PRDM2: variants seen among roughly 807,000 people sequenced by gnomAD.
PRDM2 encodes PR domain zinc finger protein 2.
Under a neutral mutation model 130.0 loss-of-function variants are expected in PRDM2, and 30 were observed. The observed-to-expected ratio is 0.23, with a 90% CI of 0.17 to 0.31. The LOEUF (loss-of-function observed/expected upper bound fraction) is 0.31. Among genes scored for constraint, PRDM2 ranks in the 10% least tolerant of loss-of-function variants. The pLI, the probability that PRDM2 is intolerant of heterozygous loss-of-function variation, is 1.00. For missense variants in PRDM2, 2,011 were observed against 2,108.4 expected, an observed-to-expected ratio of 0.95 and a Z score of 0.90; for synonymous variants, 871 against 782.4, an observed-to-expected ratio of 1.11 and a Z score of -1.89.
chr1:13,770,067 G>A (rs1472729888), intron 6 of PRDM2, among the ~76,000 whole-genome samples: 3 of 152,126 alleles, frequency 2.0e-5, no homozygotes, highest in African/African-American at 7.2e-5. Context: ...AGGCGCCTTG[G>A]TACCCTGTAG....
intron 9 of PRDM2, among the ~76,000 whole-genome samples, chr1:13,822,807 G>A (rs1308826331): frequency 2.6e-5 from 4 of 152,144 alleles, no homozygotes; most frequent in Non-Finnish European, 5.9e-5. Flanking sequence ...AGACGCAGGA[G>A]GAGATTACTG....
At chr1:13,774,112 T>A (rs1644418603) in intron 7 of PRDM2, among the ~76,000 whole-genome samples, 1 of 152,226 alleles carries the variant, frequency 6.6e-6, no homozygotes, top group Non-Finnish European at 1.5e-5. Context: ...GTCCCTCTGG[T>A]GATAATATTC....
chr1:13,816,447 C>G lies in PRDM2; in HGVS notation c.5057C>G (p.Ser1686Cys), dbSNP rs1645258966. Residue 1686 changes from serine (S) to cysteine (C), a missense_variant, in exon 9 of 10, where the codon TCC becomes TGC. This residue lies in a region of PRDM2 where 410 missense variants were observed against 395.9 expected (regional missense o/e 1.04). Coordinates refer to ENST00000311066, the MANE Select transcript of PRDM2 (RefSeq NM_001393986.1). ...CACAGCTACAGCCTCCGCTTGGCGT[C>G]CCGATGCTCTCCACCAGCGGCCCCG... ...KDFSYSLRLASRCSPPAAPYI... is the reference protein window; with the variant it reads ...KDFSYSLRLACRCSPPAAPYI... The G allele has an allele frequency of 1.2e-6, 2 of 1,614,078 alleles. No homozygotes were observed. The highest frequency in any genetic ancestry group is 1.7e-6 in the Non-Finnish European group (2 of 1,180,048).
chr1:13,824,086 G>A lies in PRDM2; in HGVS notation c.*951G>A, dbSNP rs926687519. 6.6e-6 allele frequency: 1 copy of A among 152,670 alleles called. No homozygotes were observed. The highest frequency in any genetic ancestry group is 1.5e-5 in the Non-Finnish European group (1 of 68,048). 9.5% of individuals were successfully genotyped at this position (152,670 alleles called of 1,614,324 possible). ...GAGATTTCGGAGGCCATCCTGCCAG[G>A]GGCGGACGGGGCTGACTCCTGCTCT... is the stretch of plus-strand genomic sequence containing the variant. On this transcript the variant is annotated 3_prime_UTR_variant, in exon 10 of 10. Transcript: ENST00000311066.
chr1:13,707,390 T>C (rs1205265945), intron 1 of PRDM2, among the ~76,000 whole-genome samples: 1 of 152,198 alleles, frequency 6.6e-6, no homozygotes, highest in Non-Finnish European at 1.5e-5. Flanking sequence ...TACACAGGGG[T>C]CAACTGAGGA....
intron 4 of PRDM2, among the ~76,000 whole-genome samples, chr1:13,738,516 TAGTC>T (rs1231985707): frequency 6.6e-6 from 1 of 152,244 alleles, no homozygotes; most frequent in Non-Finnish European, 1.5e-5. Flanking sequence ...AAAATCTAGT[TAGTC>T]TAATTTTAAG....
In PRDM2 at chr1:13,785,999, C is replaced by T. The variant is rs112994435; in HGVS notation, c.5036+3168C>T. On this transcript the variant is annotated intron_variant, in intron 8 of 9. Coordinates refer to ENST00000311066, the MANE Select transcript of PRDM2 (RefSeq NM_001393986.1). ...GACTACAGGTGCCCGCCACCATGCC[C>T]GGCTAATTTTTTGTATTTTTAGTAG... Among the ~76,000 whole-genome samples, 674 of 151,724 alleles carry T rather than the reference C, an allele frequency of 4.4e-3. 1 individual carries two copies. Among genetic ancestry groups the T allele is most frequent in the Non-Finnish European group, 7.3e-3 (497 of 67,896 alleles).
intron 8 of PRDM2, chr1:13,786,727 A>G: frequency 3.5e-6 from 5 of 1,422,950 alleles, no homozygotes; most frequent in South Asian, 1.5e-5. Context: ...CCCAACGCGC[A>G]TGCTGGGCGC....
At position 13,779,677 on chromosome 1, in the gene PRDM2, C is replaced by A. The variant is rs201874632; in HGVS notation, c.1882C>A (p.Pro628Thr). Residue 628 changes from proline to threonine, a missense_variant, in exon 8 of 10, where the codon CCT becomes ACT. Pro to Thr is a conservative substitution (Grantham distance 38, BLOSUM62 -1). Coordinates refer to ENST00000311066, the MANE Select transcript of PRDM2 (RefSeq NM_001393986.1). This position sits in a 1 kb window ranked among gnomAD's most constrained non-coding sequence, Gnocchi z 4.9. Reference protein sequence around the residue: ...VPVTEDLPKEPLGSTNSEAKK... With the variant: ...VPVTEDLPKETLGSTNSEAKK... ...TGTAACAGAAGATCTTCCTAAAGAG[C>A]CTTTGGGCAGCACAAATAGTGAGGC... 8.1e-6 allele frequency: 13 copies of A among 1,613,908 alleles called. No homozygotes were observed. Among genetic ancestry groups the A allele is most frequent in the Non-Finnish European group, 1.0e-5 (12 of 1,180,002 alleles).
rs1364368410 is a variant in PRDM2 at position 13,818,419 on chromosome 1, G to A, written c.*23+1849G>A. On this transcript the variant is annotated intron_variant, in intron 9 of 9. Coordinates refer to ENST00000311066, the MANE Select transcript of PRDM2 (RefSeq NM_001393986.1). ...TTTTGAGACAGAGTCTCGCTCTGTC[G>A]CCAGGCTGGAGTGCAGTGGCGCGAT... 5.9e-5 allele frequency among the ~76,000 whole-genome samples: 8 copies of A among 136,614 alleles called. No homozygotes were observed. The South Asian group carries it at 1.4e-3, about 23-fold the overall frequency. 89.6% of individuals were successfully genotyped at this position (136,614 alleles called of 152,430 possible).
At chr1:13,738,508 A>G (rs1342798757) in intron 4 of PRDM2, among the ~76,000 whole-genome samples, 1 of 152,176 alleles carries the variant, frequency 6.6e-6, no homozygotes, top group Non-Finnish European at 1.5e-5. Flanking sequence ...TGTAGTATAA[A>G]ATCTAGTTAG....
chr1:13,784,204 G>A (rs1031797812), intron 8 of PRDM2, among the ~76,000 whole-genome samples: 20 of 152,212 alleles, frequency 1.3e-4, no homozygotes, highest in African/African-American at 4.6e-4. Flanking sequence ...TAGCTCTGCT[G>A]AAAATAAGCA....
rs920439054 is a variant in PRDM2, at chr1:13,727,444, G to A, written c.10-3556G>A. On this transcript the variant is annotated intron_variant, in intron 2 of 9. Transcript: ENST00000311066. ...TAATTTTTGTATTTTAAGTAGAGAC[G>A]GGGTTTCACCATCTTGGCCAGGCTG... Among the ~76,000 whole-genome samples the A allele has an allele frequency of 3.3e-5, 5 of 151,926 alleles. No individual in the cohort carries two copies. In the South Asian group the frequency reaches 6.2e-4, roughly 19 times the overall value.
At chr1:13,761,547 A>G (rs572763895) in intron 6 of PRDM2, among the ~76,000 whole-genome samples, 67 of 152,204 alleles carry the variant, frequency 4.4e-4, no homozygotes, top group Middle Eastern at 6.8e-3. Context: ...TTGATACACA[A>G]TGCTTGTACA....
chr1:13,774,455 A>G (rs1025426780), intron 7 of PRDM2, among the ~76,000 whole-genome samples: 5 of 152,190 alleles, frequency 3.3e-5, no homozygotes, highest in Non-Finnish European at 5.9e-5. Flanking sequence ...AAAAGATATA[A>G]TTTTCTGTGA....
At chr1:13,764,468 A>G (rs1297312726) in intron 6 of PRDM2, among the ~76,000 whole-genome samples, 1 of 152,210 alleles carries the variant, frequency 6.6e-6, no homozygotes, top group African/African-American at 2.4e-5. Flanking sequence ...GGCTCCAAAG[A>G]AGGTAAGGAA....
At chr1:13,798,060 C>T (rs1276377729) in intron 8 of PRDM2, among the ~76,000 whole-genome samples, 4 of 152,122 alleles carry the variant, frequency 2.6e-5, no homozygotes, top group Admixed American at 2.0e-4. Context: ...AGCTCAGGAG[C>T]TGGGGACATT....
intron 7 of PRDM2, among the ~76,000 whole-genome samples, chr1:13,777,080 A>G (rs1256585870): frequency 6.6e-6 from 1 of 152,190 alleles, no homozygotes; most frequent in Non-Finnish European, 1.5e-5. Context: ...CAACACGCAC[A>G]TGCACACAGA....
chr1:13,778,770 A>G lies in PRDM2; in HGVS notation c.975A>G (p.Thr325=). ...KPEDLLEEPK[T]TSEETLEDCS... ...AAGATTTATTAGAGGAACCAAAAAC[A>G]ACTTCAGAAGAAACTCTTGAAGACT... The change falls in exon 8 of 10, where the codon ACA becomes ACG. Residue 325 remains threonine, a synonymous_variant. Coordinates refer to ENST00000311066, the MANE Select transcript of PRDM2 (RefSeq NM_001393986.1). 6.2e-7 allele frequency: 1 copy of G among 1,614,092 alleles called. No homozygotes were observed. Among genetic ancestry groups the G allele is most frequent in the Non-Finnish European group, 8.5e-7 (1 of 1,180,036 alleles).
Sources: allele counts gnomAD v4.1 joint callset (sites outside exome capture counted in the v4.1 genomes callset), GRCh38; gene constraint gnomAD v4.1.1; regional missense constraint gnomAD v4.1.1; non-coding constraint Gnocchi (gnomAD v3.1); transcripts MANE v1.5; gene names NCBI Gene and HGNC (gene_info 2026-07-23, HGNC 2026-07-21).